LY96: variants seen among roughly 807,000 people sequenced by gnomAD.
LY96 encodes the protein lymphocyte antigen 96, also known as myeloid differentiation protein-2.
In LY96, 18 loss-of-function variants were observed where a neutral mutation model predicts 18.9. The ratio of observed to expected loss-of-function variants is 0.95; its 90% CI spans 0.66 to 1.41. The LOEUF (loss-of-function observed/expected upper bound fraction) is 1.41, where lower values mean the gene tolerates loss of function less well. Among genes scored for constraint, LY96 ranks in the 40% most tolerant of loss-of-function variants. LY96 has a pLI of 0.00. For synonymous variants in LY96, 66 were observed against 62.6 expected (o/e 1.06, Z -0.26); for missense variants, 175 against 182.4 (o/e 0.96, Z 0.23).
intron 1 of LY96, among the ~76,000 whole-genome samples, chr8:73,992,415 C>T (rs1816021932): frequency 6.6e-6 from 1 of 152,182 alleles, no homozygotes. Flanking sequence ...AAAATAGGAT[C>T]TATGACCTAA....
At chr8:74,033,332 C>T (rs377472442), downstream of LY96, among the ~76,000 whole-genome samples, 6 of 151,986 alleles carry the variant, frequency 3.9e-5, no homozygotes, top group African/African-American at 1.5e-4. Flanking sequence ...ACTATTTGCC[C>T]CTAGATTGGA....
the LY96 span, among the ~76,000 whole-genome samples, chr8:74,068,081 A>ATATATATATATATAT: frequency 5.2e-5 from 5 of 95,376 alleles, no homozygotes; most frequent in African/African-American, 3.5e-4. Flanking sequence ...AAAAAAAAAA[A>ATATATATATATATAT]AAAAAAAAAT....
chr8:74,044,034 T>C, the LY96 span, among the ~76,000 whole-genome samples: 41,660 of 151,720 alleles, frequency 0.27, 7,033 homozygotes, highest in African/African-American at 0.48. Flanking sequence ...CCTTAAAGTG[T>C]TGGGATTACA....
chr8:74,083,878 G>A, the LY96 span, among the ~76,000 whole-genome samples: 1 of 151,662 alleles, frequency 6.6e-6, no homozygotes, highest in Non-Finnish European at 1.5e-5. Flanking sequence ...TTAGAGATGG[G>A]GTCTCACTAT....
At chr8:74,001,115 T>C (rs996458120) in intron 1 of LY96, among the ~76,000 whole-genome samples, 1 of 152,078 alleles carries the variant, frequency 6.6e-6, no homozygotes, top group Admixed American at 6.5e-5. Flanking sequence ...GTTATGACAG[T>C]CTGTTTTAAG....
chr8:74,048,568 TGGAA>T, the LY96 span: 1 of 152,282 alleles, frequency 6.6e-6, no homozygotes, highest in Non-Finnish European at 1.5e-5. Flanking sequence ...TTCCAGCCAG[TGGAA>T]GGAAGGAAGA....
At chr8:73,994,790 A>G (rs1428984697) in intron 1 of LY96, among the ~76,000 whole-genome samples, 4 of 152,208 alleles carry the variant, frequency 2.6e-5, no homozygotes, top group African/African-American at 9.6e-5. Flanking sequence ...TCCGGGCTAC[A>G]GTGTCTTAAT....
chr8:74,040,065 G>A, the LY96 span, among the ~76,000 whole-genome samples: 1 of 152,176 alleles, frequency 6.6e-6, no homozygotes. Flanking sequence ...CGTGACAGAA[G>A]GCTCAGCTCT....
At chr8:74,027,718 G>T (rs1183485036) in intron 4 of LY96, among the ~76,000 whole-genome samples, 3 of 152,144 alleles carry the variant, frequency 2.0e-5, no homozygotes, top group Non-Finnish European at 2.9e-5. Context: ...AGTTTTCAGA[G>T]CTTATATACA....
the LY96 span, among the ~76,000 whole-genome samples, chr8:74,069,872 G>T: frequency 6.6e-6 from 1 of 152,200 alleles, no homozygotes; most frequent in Non-Finnish European, 1.5e-5. Context: ...AAAGTGCTGG[G>T]ATTATAGGCA....
the LY96 span, among the ~76,000 whole-genome samples, chr8:74,046,975 C>T: frequency 6.7e-6 from 1 of 148,848 alleles, no homozygotes; most frequent in Middle Eastern, 3.5e-3. Flanking sequence ...GATCTTGGCT[C>T]ATTGCAACCT....
At chr8:74,063,957 T>C in the LY96 span, among the ~76,000 whole-genome samples, 2 of 152,176 alleles carry the variant, frequency 1.3e-5, no homozygotes, top group Non-Finnish European at 2.9e-5. Context: ...TCCCCTGTCA[T>C]ACTCTGTTGG....
At chr8:74,021,240 C>T (rs569736016) in intron 3 of LY96, among the ~76,000 whole-genome samples, 244 of 152,192 alleles carry the variant, frequency 1.6e-3, no homozygotes, top group Admixed American at 2.9e-3. Context: ...ATCAAACAAC[C>T]CCATCAAAAA....
chr8:74,053,209 C>G, the LY96 span, among the ~76,000 whole-genome samples: 1 of 152,304 alleles, frequency 6.6e-6, no homozygotes, highest in Non-Finnish European at 1.5e-5. Context: ...TACATGACTT[C>G]GCCATGTGGA....
the LY96 span, among the ~76,000 whole-genome samples, chr8:74,040,849 C>A: frequency 6.6e-6 from 1 of 151,976 alleles, no homozygotes; most frequent in South Asian, 2.1e-4. Context: ...ACTACAGGCA[C>A]GTGCCACCAC....
chr8:74,060,141 T>G, the LY96 span, among the ~76,000 whole-genome samples: 1 of 152,024 alleles, frequency 6.6e-6, no homozygotes, highest in Non-Finnish European at 1.5e-5. Context: ...AGCCAGACCT[T>G]GTTTCAAACA....
At chr8:74,051,458 T>C in the LY96 span, among the ~76,000 whole-genome samples, 1 of 152,212 alleles carries the variant, frequency 6.6e-6, no homozygotes, top group African/African-American at 2.4e-5. Flanking sequence ...AATCCATATA[T>C]ACTTCTTAGT....
rs140252643 is a variant in LY96, at chr8:74,020,145, T to A, written c.332-6644T>A. The stretch of plus-strand genomic sequence containing the variant: ...ATGTCAAATTGTCCCTGTTTTCAGA[T>A]GACATGATTGTATATTTGGAAAACC... On this transcript the variant is annotated intron_variant, in intron 3 of 4. Transcript: ENST00000284818. 2.7e-4 allele frequency among the ~76,000 whole-genome samples: 41 copies of A among 152,326 alleles called. 1 individual carries two copies. The East Asian group carries it at 7.1e-3, about 26-fold the overall frequency.
the LY96 span, among the ~76,000 whole-genome samples, chr8:74,035,053 T>C: frequency 6.6e-6 from 1 of 152,180 alleles, no homozygotes; most frequent in East Asian, 1.9e-4. Flanking sequence ...TGCGAAGATA[T>C]ATATTTAAAA....
Sources: gnomAD v4.1 joint callset for allele counts (sites outside exome capture counted in the v4.1 genomes callset) on GRCh38, gnomAD v4.1.1 for gene constraint, MANE v1.5 for transcripts, NCBI Gene and HGNC (gene_info 2026-07-23, HGNC 2026-07-21) for gene names.